The following MMP21 variants were observed in gnomAD, a reference collection of about 807,000 sequenced individuals.
MMP21 encodes matrix metalloproteinase-21.
A neutral mutation model predicts 47.8 loss-of-function variants in MMP21; 40 were observed. The ratio of observed to expected loss-of-function variants is 0.84; its 90% CI spans 0.65 to 1.09. The LOEUF is 1.09. MMP21 is among the 50% of genes least tolerant of loss of function. The probability of loss-of-function intolerance (pLI) is 0.00; values close to 1 mark genes in which losing one functional copy is unlikely to be tolerated. For synonymous variants in MMP21, 341 were observed against 318.0 expected, an observed-to-expected ratio of 1.07 and a Z score of -0.77; for missense variants, 747 against 775.3, an observed-to-expected ratio of 0.96 and a Z score of 0.43.
intron 6 of MMP21, among the ~76,000 whole-genome samples, chr10:125,767,276 A>G (rs28381323): frequency 0.013 from 2,019 of 152,248 alleles, 47 homozygotes; most frequent in African/African-American, 0.046. Flanking sequence ...CTGGGAACAC[A>G]GGCACGTGCC....
chr10:125,773,877 C>G lies in MMP21; in HGVS notation c.651G>C (p.Leu217=). Residue 217 remains leucine (L), a synonymous_variant, in exon 2 of 7, where the codon CTG becomes CTC. Transcript: ENST00000368808. The surrounding 1 kb of genome is among the most constrained non-coding windows in gnomAD (Gnocchi z 4.8). The stretch of plus-strand genomic sequence containing the variant: ...TGTCGACCGCGGCCCCGGGGGCGGC[C>G]AGGTCCTCGCGGAAGTCCAGCGGCG... ...EVTPLDFRED[L]AAPGAAVDIK... 6.3e-7 allele frequency: 1 copy of G among 1,575,712 alleles called. No individual in the cohort carries two copies. The highest frequency in any genetic ancestry group is 1.7e-5 in the Admixed American group (1 of 57,896).
chr10:125,773,679 C>T lies in MMP21; in HGVS notation c.697+152G>A, dbSNP rs1850478492. The T allele has an allele frequency of 9.1e-6, 9 of 992,328 alleles. No homozygotes were observed. In the South Asian group the frequency reaches 1.7e-4, roughly 19 times the overall value. 61.5% of individuals were successfully genotyped at this position (992,328 alleles called of 1,614,324 possible). ...CATGATTCCGACAAGACGACGCTGACCGGTGGCTTCTGCCTGCCCCGCTGA... is the reference window on the plus strand; with the variant it reads ...CATGATTCCGACAAGACGACGCTGATCGGTGGCTTCTGCCTGCCCCGCTGA... On this transcript the variant is annotated intron_variant, in intron 2 of 6. Coordinates refer to ENST00000368808, the MANE Select transcript of MMP21 (RefSeq NM_147191.1). The surrounding 1 kb of genome is among the most constrained non-coding windows in gnomAD (Gnocchi z 4.8).
Position 125,767,564 on chromosome 10 carries a change from G to C in MMP21, c.1378C>G (p.Gln460Glu). 6.2e-7 allele frequency: 1 copy of C among 1,614,174 alleles called. No individual in the cohort carries two copies. The highest frequency in any genetic ancestry group is 8.5e-7 in the Non-Finnish European group (1 of 1,180,020). Residue 460 changes from glutamine to glutamate, a missense_variant, in exon 6 of 7, where the codon CAG becomes GAG. Coordinates refer to ENST00000368808, the MANE Select transcript of MMP21 (RefSeq NM_147191.1). Reference sequence around the variant, plus strand: ...TCCTTGAAGAAGTAAATTAACTTCTGTCTTCGGTCATAAAACGCCGTGTCT... The same window carrying C: ...TCCTTGAAGAAGTAAATTAACTTCTCTCTTCGGTCATAAAACGCCGTGTCT... Reference protein sequence around the residue: ...PLDTAFYDRRQKLIYFFKESL... With the variant: ...PLDTAFYDRREKLIYFFKESL...
At position 125,772,337 on chromosome 10, in the gene MMP21, T is replaced by C. The variant is rs1289904664; in HGVS notation, c.860A>G (p.His287Arg). ...LLKVAVHEIG[H>R]VLGLPHTYRT... Reference sequence around the variant, plus strand: ...GTAGGTGTGAGGCAAGCCCAGGACATGGCCAATTTCATGGACGGCCACCTA... The same window carrying C: ...GTAGGTGTGAGGCAAGCCCAGGACACGGCCAATTTCATGGACGGCCACCTA... Residue 287 changes from histidine to arginine, a missense_variant, in exon 4 of 7, where the codon CAT (histidine) becomes CGT (arginine). His to Arg is a conservative substitution (Grantham distance 29, BLOSUM62 0). Transcript: ENST00000368808. This position sits in a 1 kb window ranked among gnomAD's most constrained non-coding sequence, Gnocchi z 5.6. The C allele has an allele frequency of 6.2e-7, 1 of 1,614,000 alleles. No individual in the cohort carries two copies. The highest frequency in any genetic ancestry group is 8.5e-7 in the Non-Finnish European group (1 of 1,180,008).
At chr10:125,775,439 T>G (rs1336458558) in intron 1 of MMP21, among the ~76,000 whole-genome samples, 1 of 152,212 alleles carries the variant, frequency 6.6e-6, no homozygotes, top group East Asian at 1.9e-4. Flanking sequence ...TCTTTCTCAC[T>G]AGGGCTGACC....
In MMP21 at chr10:125,774,169, G is replaced by C; in HGVS notation, c.359C>G (p.Pro120Arg). The change falls in exon 2 of 7, where the codon CCG becomes CGG. Residue 120 changes from proline to arginine, a missense_variant. By Grantham distance (103) the Pro-to-Arg change is moderately radical (BLOSUM62 -2). Transcript: ENST00000368808. ...AAMNRPRCGVPDMRPPPPSAP... is the reference protein window; with the variant it reads ...AAMNRPRCGVRDMRPPPPSAP... ...GGAGGGGGGCGGTGGGCGCATGTCC[G>C]GGACCCCGCAGCGCGGCCGGTTCAT... The C allele has an allele frequency of 2.4e-6, 3 of 1,276,096 alleles. No individual in the cohort carries two copies. Among genetic ancestry groups the C allele is most frequent in the Non-Finnish European group, 3.0e-6 (3 of 1,015,324 alleles). The allele number at this position is 1,276,096 out of a possible 1,614,324, so 79.0% of individuals were successfully genotyped here.
chr10:125,774,128 G>T lies in MMP21; in HGVS notation c.400C>A (p.Pro134Thr). The change falls in exon 2 of 7, where the codon CCG (proline) becomes ACG (threonine). Residue 134 changes from proline (P) to threonine (T), a missense_variant. Coordinates refer to ENST00000368808, the MANE Select transcript of MMP21 (RefSeq NM_147191.1). The stretch of plus-strand genomic sequence containing the variant: ...GAGCGGGCTCTGGGGGGCGGGCCCG[G>T]GGGCGAAGGCGGGGCGGAGGGGGGC... ...PPPPSAPPSP[P>T]GPPPRARSRR... The T allele has an allele frequency of 7.7e-7, 1 of 1,301,074 alleles. No individual in the cohort carries two copies. Among genetic ancestry groups the T allele is most frequent in the Middle Eastern group, 2.9e-4 (1 of 3,466 alleles). The allele number at this position is 1,301,074 out of a possible 1,614,324, so 80.6% of individuals were successfully genotyped here. A position where few individuals can be genotyped will look rare whatever the true frequency, so the allele number is the denominator to read the frequency against.
At chr10:125,775,556 C>A in intron 1 of MMP21, 104 bp downstream of exon 1, 1 of 1,420,048 alleles carries the variant, frequency 7.0e-7, no homozygotes, top group Non-Finnish European at 9.3e-7. Context: ...TTCTCTGCCT[C>A]TGCACAGCCG....
At chr10:125,771,363 G>C (rs540818976) in intron 4 of MMP21, among the ~76,000 whole-genome samples, 9 of 152,060 alleles carry the variant, frequency 5.9e-5, no homozygotes, top group African/African-American at 1.9e-4. Flanking sequence ...GCTGAGAATG[G>C]GGGGATGTGA....
rs201022750 is a variant in MMP21 at position 125,771,405 on chromosome 10, TA to T, written c.979+812del. Among the ~76,000 whole-genome samples the T allele has an allele frequency of 3.5e-5, 5 of 143,588 alleles. 1 individual carries two copies. In the East Asian group the frequency reaches 9.6e-4, roughly 28 times the overall value. The allele number at this position is 143,588 out of a possible 152,430, so 94.2% of individuals were successfully genotyped here. On this transcript the variant is annotated intron_variant, in intron 4 of 6. Transcript: ENST00000368808. ...AAATGGGGTGGTCTCTGTTAGGGAC[TA>T]TTTTTTTTTTTTTTTGAGATGGAGT... is the stretch of plus-strand genomic sequence containing the variant.
Position 125,773,888 on chromosome 10 carries a change from G to C in MMP21, c.640C>G (p.Arg214Gly). 1 of 1,578,848 alleles carries C rather than the reference G, an allele frequency of 6.3e-7. No homozygotes were observed. Among genetic ancestry groups the C allele is most frequent in the Non-Finnish European group, 8.6e-7 (1 of 1,169,548 alleles). ...MWSEVTPLDF[R>G]EDLAAPGAAV... is the part of the protein sequence containing the mutation. ...GCCCCGGGGGCGGCCAGGTCCTCGC[G>C]GAAGTCCAGCGGCGTCACCTCGCTC... Residue 214 changes from arginine to glycine, a missense_variant, in exon 2 of 7, where the codon CGC (arginine) becomes GGC (glycine). Physicochemically the swap from Arg to Gly is moderately radical, Grantham distance 125. Transcript: ENST00000368808. This position sits in a 1 kb window ranked among gnomAD's most constrained non-coding sequence, Gnocchi z 4.8.
At position 125,772,454 on chromosome 10, in the gene MMP21, T is replaced by C; in HGVS notation, c.838-95A>G. 6.3e-7 allele frequency: 1 copy of C among 1,579,524 alleles called. No homozygotes were observed. Among genetic ancestry groups the C allele is most frequent in the Non-Finnish European group, 8.6e-7 (1 of 1,156,580 alleles). On this transcript the variant is annotated intron_variant, in intron 3 of 6. Transcript: ENST00000368808. The surrounding 1 kb of genome is among the most constrained non-coding windows in gnomAD (Gnocchi z 5.6). ...GCCTGTGCTTCGAGAGGAGCGTTGCTTGTGAAGAGGGGAGCACCGGTGGAA... is the reference window on the plus strand; with the variant it reads ...GCCTGTGCTTCGAGAGGAGCGTTGCCTGTGAAGAGGGGAGCACCGGTGGAA...
intron 1 of MMP21, among the ~76,000 whole-genome samples, chr10:125,775,264 C>T (rs1035084983): frequency 2.6e-5 from 4 of 152,184 alleles, no homozygotes; most frequent in Non-Finnish European, 4.4e-5. Context: ...CTTACTATTG[C>T]GGTGTTGGGG....
At chr10:125,770,069 A>G (rs549152941) in intron 5 of MMP21, among the ~76,000 whole-genome samples, 1 of 152,246 alleles carries the variant, frequency 6.6e-6, no homozygotes, top group Non-Finnish European at 1.5e-5. Context: ...TGGGAACAGC[A>G]CTTGAGCCCG....
chr10:125,773,701 C>T lies in MMP21; in HGVS notation c.697+130G>A. The T allele has an allele frequency of 8.1e-7, 1 of 1,229,262 alleles. No individual in the cohort carries two copies. The highest frequency in any genetic ancestry group is 1.1e-6 in the Non-Finnish European group (1 of 946,314). 76.1% of individuals were successfully genotyped at this position (1,229,262 alleles called of 1,614,324 possible). Reference sequence around the variant, plus strand: ...TGACCGGTGGCTTCTGCCTGCCCCGCTGACAGGTGCCCCCGGGACAGGCCG... The same window carrying T: ...TGACCGGTGGCTTCTGCCTGCCCCGTTGACAGGTGCCCCCGGGACAGGCCG... On this transcript the variant is annotated intron_variant, in intron 2 of 6. Transcript: ENST00000368808. This position sits in a 1 kb window ranked among gnomAD's most constrained non-coding sequence, Gnocchi z 4.8.
Position 125,772,788 on chromosome 10 carries a change from T to C in MMP21, c.698-38A>G. 3 of 1,605,536 alleles carry C rather than the reference T, an allele frequency of 1.9e-6. No homozygotes were observed. The highest frequency in any genetic ancestry group is 2.5e-6 in the Non-Finnish European group (3 of 1,176,668). On this transcript the variant is annotated intron_variant, in intron 2 of 6. Transcript: ENST00000368808. The surrounding 1 kb of genome is among the most constrained non-coding windows in gnomAD (Gnocchi z 5.6). ...AGGAGGAGTTGGTCCCGGTGAAGGA[T>C]GAGTGCCCCCCATACAGACTCCTCA...
At chr10:125,767,268 G>A (rs1157981844) in intron 6 of MMP21, among the ~76,000 whole-genome samples, 1 of 152,102 alleles carries the variant, frequency 6.6e-6, no homozygotes, top group African/African-American at 2.4e-5. Flanking sequence ...CTAGGCAGCT[G>A]GGAACACAGG....
At chr10:125,768,235 C>G (rs1410005846) in intron 5 of MMP21, among the ~76,000 whole-genome samples, 3 of 152,092 alleles carry the variant, frequency 2.0e-5, no homozygotes, top group Non-Finnish European at 4.4e-5. Context: ...GTCCCACCAC[C>G]ACGCCCATCT....
At position 125,774,369 on chromosome 10, in the gene MMP21, TG is replaced by T; in HGVS notation, c.163-5del. Reference sequence around the variant, plus strand: ...AGCCGTATCTGGACAGGAACCGCTGTGGGAGAGAAAGGCACCCTAATCTGGG... The same window carrying T: ...AGCCGTATCTGGACAGGAACCGCTGTGGAGAGAAAGGCACCCTAATCTGGG... On this transcript the variant is annotated splice_polypyrimidine_tract_variant and splice_region_variant and intron_variant, in intron 1 of 6. Coordinates refer to ENST00000368808, the MANE Select transcript of MMP21 (RefSeq NM_147191.1). 7.4e-7 allele frequency: 1 copy of T among 1,343,956 alleles called. No individual in the cohort carries two copies. The highest frequency in any genetic ancestry group is 9.5e-7 in the Non-Finnish European group (1 of 1,050,020). The allele number at this position is 1,343,956 out of a possible 1,614,324, so 83.3% of individuals were successfully genotyped here.
Sources: allele counts gnomAD v4.1 joint callset (sites outside exome capture counted in the v4.1 genomes callset), GRCh38; gene constraint gnomAD v4.1.1; non-coding constraint Gnocchi (gnomAD v3.1); transcripts MANE v1.5; gene names NCBI Gene and HGNC (gene_info 2026-07-23, HGNC 2026-07-21).